ABHD2: variants seen among roughly 807,000 people sequenced by gnomAD.
The protein encoded by ABHD2 is monoacylglycerol lipase ABHD2.
ABHD2 carries 20 observed loss-of-function variants against 48.1 expected under a neutral mutation model. The ratio of observed to expected loss-of-function variants is 0.42; its 90% CI spans 0.29 to 0.60. ABHD2 has a LOEUF of 0.60. ABHD2 is among the 20% of genes least tolerant of loss of function. The probability of loss-of-function intolerance (pLI) is 0.24; values close to 1 mark genes in which losing one functional copy is unlikely to be tolerated. For missense variants in ABHD2, 405 were observed against 550.9 expected (o/e 0.74, Z 2.65); for synonymous variants, 209 against 214.2 (o/e 0.98, Z 0.21).
chr15:89,121,423 G>A (rs1302821591), intron 3 of ABHD2, among the ~76,000 whole-genome samples: 1 of 150,150 alleles, frequency 6.7e-6, no homozygotes, highest in African/African-American at 2.5e-5. Context: ...CCCAGCCCCC[G>A]TACTCCTGGA....
At chr15:89,093,149 A>G (rs1901662827) in intron 1 of ABHD2, among the ~76,000 whole-genome samples, 1 of 147,968 alleles carries the variant, frequency 6.8e-6, no homozygotes, top group South Asian at 2.1e-4. Flanking sequence ...TCCCCAAGTC[A>G]CATTTCCAGC....
chr15:89,121,708 C>CA (rs1307273940), intron 3 of ABHD2, among the ~76,000 whole-genome samples: 2 of 152,200 alleles, frequency 1.3e-5, no homozygotes, highest in African/African-American at 4.8e-5. Flanking sequence ...TCATTACTCA[C>CA]AGCATTCTCT....
chr15:89,129,086 T>C (rs1441654700), intron 3 of ABHD2, among the ~76,000 whole-genome samples: 1 of 152,148 alleles, frequency 6.6e-6, no homozygotes, highest in Admixed American at 6.5e-5. Context: ...GAAAGTTGTT[T>C]AGCTTGGGGC....
chr15:89,126,992 G>A (rs1421814426), intron 3 of ABHD2, among the ~76,000 whole-genome samples: 1 of 152,222 alleles, frequency 6.6e-6, no homozygotes, highest in Admixed American at 6.5e-5. Flanking sequence ...ACAGAAGGCT[G>A]TAGTCCTTGA....
At position 89,102,881 on chromosome 15, in the gene ABHD2, G is replaced by A. The variant is rs2049723369; in HGVS notation, c.-106-10844G>A. ...AGGAAGAAGGCTGCTGGTAGGCTAG[G>A]GGTGGCAGGTGGGATTGCCCTTGGG... On this transcript the variant is annotated intron_variant, in intron 1 of 10. Coordinates refer to ENST00000352732, the MANE Select transcript of ABHD2 (RefSeq NM_152924.5). The surrounding 1 kb of genome is among the most constrained non-coding windows in gnomAD (Gnocchi z 4.8). Among the ~76,000 whole-genome samples the A allele has an allele frequency of 1.3e-5, 2 of 152,252 alleles. No homozygotes were observed. The highest frequency in any genetic ancestry group is 1.3e-4 in the Admixed American group (2 of 15,288).
At chr15:89,063,412 C>T in the ABHD2 span, among the ~76,000 whole-genome samples, 1 of 152,116 alleles carries the variant, frequency 6.6e-6, no homozygotes, top group Admixed American at 6.5e-5. Context: ...AAATAAAAAT[C>T]ACCAGTAATC....
In ABHD2 at chr15:89,137,509, GC is replaced by G; in HGVS notation, c.195-14165del. On this transcript the variant is annotated intron_variant, in intron 3 of 10. Transcript: ENST00000352732. This position sits in a 1 kb window ranked among gnomAD's most constrained non-coding sequence, Gnocchi z 4.8. Reference sequence around the variant, plus strand: ...CAAAGGTCACAGATGTACCAGCCTGGCCCAGTGGCCTCCGTCCTGTATTTAG... The same window carrying G: ...CAAAGGTCACAGATGTACCAGCCTGGCCAGTGGCCTCCGTCCTGTATTTAG... Among the ~76,000 whole-genome samples, 1 of 152,276 alleles carries G rather than the reference GC, an allele frequency of 6.6e-6. No individual in the cohort carries two copies. Among genetic ancestry groups the G allele is most frequent in the South Asian group, 2.1e-4 (1 of 4,822 alleles).
intron 3 of ABHD2, among the ~76,000 whole-genome samples, chr15:89,147,835 A>T (rs1326174609): frequency 6.6e-6 from 1 of 151,256 alleles, no homozygotes; most frequent in East Asian, 2.0e-4. Context: ...AGGGCCGGGC[A>T]CAGTGGCTCA....
chr15:89,133,834 ATTTT>A (rs71464448), intron 3 of ABHD2, among the ~76,000 whole-genome samples: 7 of 123,774 alleles, frequency 5.7e-5, no homozygotes, highest in Non-Finnish European at 9.9e-5. Flanking sequence ...GCCATGCATA[ATTTT>A]TTTTTTTTTT....
Position 89,201,851 on chromosome 15 carries a change from G to A in ABHD2, c.*6428G>A. The A allele has an allele frequency of 1.1e-6, 1 of 930,954 alleles. No homozygotes were observed. The highest frequency in any genetic ancestry group is 2.5e-5 in the East Asian group (1 of 40,696). 57.7% of individuals were successfully genotyped at this position (930,954 alleles called of 1,614,324 possible). On this transcript the variant is annotated 3_prime_UTR_variant, in exon 11 of 11. Transcript: ENST00000352732. ...GGCGGCTTGCTCGCTGGGGGCGGGG[G>A]ACGATGGCGAGAGGGGAGGGGGAGC...
intron 3 of ABHD2, chr15:89,136,283 C>G: frequency 2.4e-6 from 1 of 422,398 alleles, no homozygotes; most frequent in Non-Finnish European, 4.6e-6. Context: ...GTTTCTCTTT[C>G]GTATGGGCCC....
At chr15:89,073,323 T>C in the ABHD2 span, among the ~76,000 whole-genome samples, 38 of 152,290 alleles carry the variant, frequency 2.5e-4, no homozygotes, top group African/African-American at 8.4e-4. Context: ...TTTGAGACAG[T>C]CTTGCTCTGT....
At chr15:89,152,316 T>C (rs1377806642) in intron 4 of ABHD2, among the ~76,000 whole-genome samples, 1 of 152,136 alleles carries the variant, frequency 6.6e-6, no homozygotes, top group Non-Finnish European at 1.5e-5. Context: ...CCTGACCTCG[T>C]GATCTGCCTG....
chr15:89,072,859 T>C, the ABHD2 span, among the ~76,000 whole-genome samples: 1 of 152,212 alleles, frequency 6.6e-6, no homozygotes, highest in East Asian at 1.9e-4. Context: ...AATGCTCAGC[T>C]AAATTTGAAA....
At chr15:89,124,378 A>C (rs1467931156) in intron 3 of ABHD2, among the ~76,000 whole-genome samples, 3 of 152,212 alleles carry the variant, frequency 2.0e-5, no homozygotes, top group Non-Finnish European at 2.9e-5. Flanking sequence ...AGGCAAATGC[A>C]ACTTCACACA....
chr15:89,072,596 G>T, the ABHD2 span, among the ~76,000 whole-genome samples: 2 of 148,176 alleles, frequency 1.3e-5, no homozygotes, highest in African/African-American at 5.0e-5. Context: ...AAAGGAGAGG[G>T]GAGGGGAGGG....
At chr15:89,171,317 C>T (rs1012239899) in intron 5 of ABHD2, among the ~76,000 whole-genome samples, 3 of 151,932 alleles carry the variant, frequency 2.0e-5, no homozygotes, top group Non-Finnish European at 2.9e-5. Context: ...TTTCTGATTC[C>T]GTGGGTTTGG....
upstream of ABHD2, among the ~76,000 whole-genome samples, chr15:89,085,188 G>T (rs933823902): frequency 6.6e-6 from 1 of 151,938 alleles, no homozygotes; most frequent in African/African-American, 2.4e-5. This position sits in a 1 kb window ranked among gnomAD's most constrained non-coding sequence, Gnocchi z 4.2. Flanking sequence ...TGCAGCTTTG[G>T]CCATCCCAGA....
chr15:89,065,844 T>C, the ABHD2 span, among the ~76,000 whole-genome samples: 1,385 of 152,300 alleles, frequency 9.1e-3, 14 homozygotes, highest in African/African-American at 0.032. Context: ...AAAGGAAGAC[T>C]TCCTTGGTAA....
Sources: allele counts gnomAD v4.1 joint callset (sites outside exome capture counted in the v4.1 genomes callset), GRCh38; gene constraint gnomAD v4.1.1; non-coding constraint Gnocchi (gnomAD v3.1); transcripts MANE v1.5; gene names NCBI Gene and HGNC (gene_info 2026-07-23, HGNC 2026-07-21).